The following HS3ST5 variants were observed in gnomAD, a reference collection of about 807,000 sequenced individuals.
The protein encoded by HS3ST5 is heparan sulfate-glucosamine 3-sulfotransferase 5, also known as heparan sulfate glucosamine 3-O-sulfotransferase 5.
HS3ST5 carries 10 observed loss-of-function variants against 25.4 expected under a neutral mutation model. The observed-to-expected ratio is 0.39, with a 90% CI of 0.24 to 0.67. The LOEUF (loss-of-function observed/expected upper bound fraction) is 0.67. Among genes scored for constraint, HS3ST5 ranks in the 30% least tolerant of loss-of-function variants. HS3ST5 has a pLI of 0.44. For missense variants in HS3ST5, 324 were observed against 420.7 expected (o/e 0.77, Z 2.01); for synonymous variants, 170 against 162.4 (o/e 1.05, Z -0.36).
intron 2 of HS3ST5, among the ~76,000 whole-genome samples, chr6:114,175,222 ATGT>A (rs1433785994): frequency 3.9e-5 from 6 of 152,128 alleles, no homozygotes; most frequent in Non-Finnish European, 8.8e-5. Flanking sequence ...TTTAAAGGGG[ATGT>A]TGTGACTGGA....
In HS3ST5 at chr6:114,057,994, C is replaced by T. The variant is rs1772867377; in HGVS notation, c.304G>A (p.Gly102Ser). The change falls in exon 5 of 5, where the codon GGC becomes AGC. Residue 102 changes from glycine (G) to serine (S), a missense_variant. Physicochemically the swap from Gly to Ser is moderately conservative, Grantham distance 56 (BLOSUM62 0). Around this residue, in one of 2 missense-constraint regions of HS3ST5, gnomAD observed 203 missense variants for 303.4 expected, o/e 0.67. Transcript: ENST00000312719. ...AGCATTTCAAGCAGGGCCCTTGTGC[C>T]TCCTTTCCTCACCCCAATGATAATG... ...KAIIIGVRKGGTRALLEMLNL... is the reference protein window; with the variant it reads ...KAIIIGVRKGSTRALLEMLNL... The T allele has an allele frequency of 6.2e-7, 1 of 1,614,074 alleles. No individual in the cohort carries two copies. The highest frequency in any genetic ancestry group is 1.7e-5 in the Admixed American group (1 of 60,006).
At position 114,093,353 on chromosome 6, in the gene HS3ST5, T is replaced by TTGTGTGTGTGTGTGTGTG. The variant is rs60927880; in HGVS notation, c.-32-30494_-32-30477dup. On this transcript the variant is annotated intron_variant, in intron 3 of 4. Transcript: ENST00000312719. ...CCTTGTATCTTTTTTGTTTGTTTGT[T>TTGTGTGTGTGTGTGTGTG]TGTGTGTGTGTGTGTGTGTGTGTGT... Among the ~76,000 whole-genome samples the TTGTGTGTGTGTGTGTGTG allele has an allele frequency of 7.5e-5, 10 of 134,204 alleles. No individual in the cohort carries two copies. In the Admixed American group the frequency reaches 7.5e-4, roughly 10 times the overall value. 88.0% of individuals were successfully genotyped at this position (134,204 alleles called of 152,430 possible).
chr6:114,181,591 G>A (rs1045366796), intron 2 of HS3ST5, among the ~76,000 whole-genome samples: 4 of 152,068 alleles, frequency 2.6e-5, no homozygotes, highest in Admixed American at 2.0e-4. Context: ...AAAAAATAAC[G>A]CCTGTTACAT....
chr6:114,120,919 G>A (rs995521047), intron 3 of HS3ST5, among the ~76,000 whole-genome samples: 1 of 152,118 alleles, frequency 6.6e-6, no homozygotes, highest in Admixed American at 6.5e-5. Context: ...TCCCAGTAAT[G>A]TACACCTATA....
rs149522810 is a variant in HS3ST5, at chr6:114,195,961, G to A, written c.-144-27499C>T. Among the ~76,000 whole-genome samples the A allele has an allele frequency of 4.8e-4, 73 of 152,270 alleles. No homozygotes were observed. In the East Asian group the frequency reaches 0.011, roughly 23 times the overall value. On this transcript the variant is annotated intron_variant, in intron 2 of 4. Transcript: ENST00000312719. ...ATGGAGTAACTCAAGCTAAGGGCCT[G>A]TATGCACACTAGGAGAACAGGAGTG...
intron 3 of HS3ST5, among the ~76,000 whole-genome samples, chr6:114,146,814 A>G (rs1778189541): frequency 6.6e-6 from 1 of 152,158 alleles, no homozygotes; most frequent in Non-Finnish European, 1.5e-5. Context: ...GCCATGTGAT[A>G]TTCCTGCTCC....
At chr6:114,282,965 C>G (rs1374683571) in intron 1 of HS3ST5, among the ~76,000 whole-genome samples, 1 of 151,828 alleles carries the variant, frequency 6.6e-6, no homozygotes, top group African/African-American at 2.4e-5. Context: ...GTCAGAGTTC[C>G]AGGACTTCTA....
chr6:114,224,634 C>G (rs545375245), intron 2 of HS3ST5, among the ~76,000 whole-genome samples: 1 of 150,264 alleles, frequency 6.7e-6, no homozygotes, highest in African/African-American at 2.4e-5. Context: ...TCATTGATTC[C>G]TTGATATTGA....
intron 1 of HS3ST5, among the ~76,000 whole-genome samples, chr6:114,310,715 G>A (rs985794525): frequency 5.9e-5 from 9 of 152,182 alleles, no homozygotes; most frequent in Admixed American, 2.0e-4. Flanking sequence ...TCACACCATC[G>A]TAGAGTTGAA....
chr6:114,157,789 A>G (rs1778768569), intron 3 of HS3ST5, among the ~76,000 whole-genome samples: 1 of 152,206 alleles, frequency 6.6e-6, no homozygotes, highest in Non-Finnish European at 1.5e-5. Context: ...CCAAAGTCCA[A>G]GAGTCCAGTC....
chr6:114,180,408 C>G (rs929720145), intron 2 of HS3ST5, among the ~76,000 whole-genome samples: 1 of 152,046 alleles, frequency 6.6e-6, no homozygotes, highest in African/African-American at 2.4e-5. Context: ...ATTCTGGAGG[C>G]TTGAAAGTCC....
intron 1 of HS3ST5, among the ~76,000 whole-genome samples, chr6:114,237,854 T>A (rs2114568929): frequency 6.6e-6 from 1 of 152,260 alleles, no homozygotes; most frequent in African/African-American, 2.4e-5. Flanking sequence ...AGATAAAGTA[T>A]TAATAAAGAA....
chr6:114,084,650 A>C lies in HS3ST5; in HGVS notation c.-32-21773T>G, dbSNP rs1774688563. The C allele has an allele frequency of 1.0e-5, 10 of 988,850 alleles. 1 individual carries two copies. Among genetic ancestry groups the C allele is most frequent in the Non-Finnish European group, 1.6e-5 (10 of 624,580 alleles). 61.3% of individuals were successfully genotyped at this position (988,850 alleles called of 1,614,324 possible). A position where few individuals can be genotyped will look rare whatever the true frequency, so the allele number is the denominator to read the frequency against. ...TAGGTTAACATAAGATGCCTTAATG[A>C]GAGGCTGATGGTCAGCCCTGGGGTC... On this transcript the variant is annotated intron_variant, in intron 3 of 4. Transcript: ENST00000312719.
intron 1 of HS3ST5, among the ~76,000 whole-genome samples, chr6:114,292,406 G>T (rs1490601945): frequency 1.3e-5 from 2 of 152,110 alleles, no homozygotes; most frequent in Admixed American, 6.6e-5. Flanking sequence ...ACTCCTGCAA[G>T]CCCTTTTCAT....
intron 1 of HS3ST5, among the ~76,000 whole-genome samples, chr6:114,254,487 C>T (rs1329781540): frequency 2.0e-5 from 3 of 152,132 alleles, no homozygotes; most frequent in East Asian, 1.9e-4. Flanking sequence ...GGGTAGCAGA[C>T]CTTCCAGAGA....
intron 1 of HS3ST5, among the ~76,000 whole-genome samples, chr6:114,264,581 TCA>T (rs1307245213): frequency 6.6e-6 from 1 of 152,222 alleles, no homozygotes; most frequent in East Asian, 1.9e-4. Flanking sequence ...TCCTGCTCTC[TCA>T]GTTTCCTAAT....
At chr6:114,091,320 C>T (rs1775104982) in intron 3 of HS3ST5, among the ~76,000 whole-genome samples, 1 of 152,050 alleles carries the variant, frequency 6.6e-6, no homozygotes, top group Admixed American at 6.6e-5. Context: ...CTTCAGATGC[C>T]AGTCTCATAT....
intron 1 of HS3ST5, among the ~76,000 whole-genome samples, chr6:114,311,326 T>C (rs1775521365): frequency 6.6e-6 from 1 of 152,162 alleles, no homozygotes; most frequent in African/African-American, 2.4e-5. Flanking sequence ...CTTGTGATTG[T>C]ATATTTGGAA....
At chr6:114,299,080 T>C (rs1418088501) in intron 1 of HS3ST5, among the ~76,000 whole-genome samples, 2 of 152,172 alleles carry the variant, frequency 1.3e-5, no homozygotes, top group African/African-American at 4.8e-5. Flanking sequence ...CAAAAGCAAA[T>C]GGGAGAAATA....
Sources: allele counts gnomAD v4.1 joint callset (sites outside exome capture counted in the v4.1 genomes callset), GRCh38; gene constraint gnomAD v4.1.1; regional missense constraint gnomAD v4.1.1; transcripts MANE v1.5; gene names NCBI Gene and HGNC (gene_info 2026-07-23, HGNC 2026-07-21).